Variants in FRAS1 observed in about 807,000 individuals in gnomAD.
The protein encoded by FRAS1 is Fraser extracellular matrix complex subunit 1.
Under a neutral mutation model 435.2 loss-of-function variants are expected in FRAS1, and 290 were observed. The observed-to-expected ratio is 0.67, with a 90% CI of 0.61 to 0.73. The LOEUF (loss-of-function observed/expected upper bound fraction) is 0.73. Ranked by LOEUF, FRAS1 falls within the 30% of genes least tolerant of loss-of-function variation. FRAS1 has a pLI of 0.00. For synonymous variants in FRAS1, 1,800 were observed against 1,851.0 expected (o/e 0.97, Z 0.71); for missense variants, 4,860 against 5,001.5 (o/e 0.97, Z 0.85).
chr4:78,299,838 G>C (rs1045363936), intron 14 of FRAS1, among the ~76,000 whole-genome samples: 11 of 152,220 alleles, frequency 7.2e-5, no homozygotes, highest in Non-Finnish European at 1.5e-4. Context: ...CCCCAGTGCA[G>C]TTTGCACAAT....
At position 78,266,864 on chromosome 4, in the gene FRAS1, A is replaced by G; in HGVS notation, c.718A>G (p.Thr240Ala). ...TGAGCAGTGGAGCGAAAATGCCTGC[A>G]CCACGTGTATATGTGACCGGGGTGA... ...HGEQWSENAC[T>A]TCICDRGEVR... Residue 240 changes from threonine (T) to alanine (A), a missense_variant, in exon 8 of 74, where the codon ACC (threonine) becomes GCC (alanine). Transcript: ENST00000512123. The G allele has an allele frequency of 1.2e-6, 2 of 1,606,938 alleles. No homozygotes were observed. The highest frequency in any genetic ancestry group is 1.7e-6 in the Non-Finnish European group (2 of 1,176,620).
At chr4:78,409,843 A>T (rs993556093) in intron 31 of FRAS1, among the ~76,000 whole-genome samples, 1 of 152,196 alleles carries the variant, frequency 6.6e-6, no homozygotes, top group African/African-American at 2.4e-5. Context: ...TCACCTTGTT[A>T]AAATGATCAT....
At chr4:78,132,075 G>A (rs572452748) in intron 2 of FRAS1, among the ~76,000 whole-genome samples, 1 of 152,262 alleles carries the variant, frequency 6.6e-6, no homozygotes, top group Admixed American at 6.5e-5. Context: ...TTCTCTTACT[G>A]TGTGTGGTTG....
chr4:78,086,654 A>G (rs1433047972), intron 2 of FRAS1, among the ~76,000 whole-genome samples: 4 of 152,120 alleles, frequency 2.6e-5, no homozygotes, highest in Admixed American at 1.3e-4. Flanking sequence ...ACACCTCTAC[A>G]CAAATAAACT....
At chr4:78,361,814 A>T (rs1193067825) in intron 20 of FRAS1, among the ~76,000 whole-genome samples, 3 of 152,198 alleles carry the variant, frequency 2.0e-5, no homozygotes, top group African/African-American at 7.2e-5. Context: ...AATGCTTTGA[A>T]TCCTACAGGG....
At chr4:78,245,857 G>A (rs1490041400) in intron 4 of FRAS1, among the ~76,000 whole-genome samples, 3 of 152,072 alleles carry the variant, frequency 2.0e-5, no homozygotes, top group African/African-American at 7.2e-5. Context: ...TGTTGTGGGA[G>A]CTGTGCTTTG....
intron 2 of FRAS1, among the ~76,000 whole-genome samples, chr4:78,075,905 A>G (rs972012229): frequency 2.0e-5 from 3 of 152,146 alleles, no homozygotes; most frequent in Admixed American, 6.6e-5. Flanking sequence ...GAGAGAAGTG[A>G]TGTAACACTG....
chr4:78,322,802 C>T (rs868844518), intron 18 of FRAS1, among the ~76,000 whole-genome samples: 126 of 152,286 alleles, frequency 8.3e-4, no homozygotes, highest in African/African-American at 2.7e-3. Flanking sequence ...TTCATTCCTC[C>T]GGCAAATGTT....
At chr4:78,192,802 T>C (rs1183104520) in intron 2 of FRAS1, among the ~76,000 whole-genome samples, 1 of 152,236 alleles carries the variant, frequency 6.6e-6, no homozygotes, top group Non-Finnish European at 1.5e-5. Flanking sequence ...AGTTACTTCT[T>C]GCCTTCTAAT....
At chr4:78,430,261 C>T (rs2110386745) in intron 36 of FRAS1, 31 bp from the exon 37 acceptor site, 1 of 1,613,464 alleles carries the variant, frequency 6.2e-7, no homozygotes, top group Non-Finnish European at 8.5e-7. Flanking sequence ...TACGCTTTCT[C>T]TCTCACCACG....
chr4:78,479,745 T>A (rs1190561521), intron 56 of FRAS1, 27 bp downstream of exon 56: 1 of 1,493,792 alleles, frequency 6.7e-7, no homozygotes, highest in African/African-American at 1.4e-5. Flanking sequence ...CTGAGTTTCC[T>A]TCACCTGTCT....
intron 2 of FRAS1, among the ~76,000 whole-genome samples, chr4:78,192,320 C>G (rs1038481196): frequency 3.9e-5 from 6 of 152,154 alleles, no homozygotes; most frequent in Non-Finnish European, 8.8e-5. Context: ...AGGATTCCCC[C>G]TTTTTCTATT....
Position 78,543,060 on chromosome 4 carries a change from T to A in FRAS1, c.*1936T>A, listed in dbSNP as rs1722104540. ...ATCTAATTTAGCATTCTGAGATGAG[T>A]GTCAGGTTTTCAGGAGAGAATGAGT... On this transcript the variant is annotated 3_prime_UTR_variant, in exon 74 of 74. Transcript: ENST00000512123. 1 of 152,132 alleles carries A rather than the reference T, an allele frequency of 6.6e-6. No individual in the cohort carries two copies. The highest frequency in any genetic ancestry group is 2.1e-4 in the South Asian group (1 of 4,820). The allele number at this position is 152,132 out of a possible 1,614,324, so 9.4% of individuals were successfully genotyped here.
Position 78,430,281 on chromosome 4 carries a change from C to T in FRAS1, c.4844-11C>T. 1 of 1,613,826 alleles carries T rather than the reference C, an allele frequency of 6.2e-7. No homozygotes were observed. The highest frequency in any genetic ancestry group is 8.5e-7 in the Non-Finnish European group (1 of 1,179,852). On this transcript the variant is annotated splice_polypyrimidine_tract_variant and intron_variant, in intron 36 of 73. Transcript: ENST00000512123. ...TTTCTCTCTCACCACGCTTCCTTCT[C>T]CTTGCTGCAGGACTTCAGGTGGTAG... is the stretch of plus-strand genomic sequence containing the variant.
chr4:78,522,530 A>T (rs1468235054), intron 68 of FRAS1, 119 bp from the exon 69 acceptor site: 2 of 871,502 alleles, frequency 2.3e-6, no homozygotes, highest in African/African-American at 1.7e-5. Context: ...GGCTAAGCTT[A>T]GTTGTTTGAG....
At chr4:78,443,902 G>A (rs1718678753) in intron 41 of FRAS1, among the ~76,000 whole-genome samples, 1 of 152,052 alleles carries the variant, frequency 6.6e-6, no homozygotes, top group Admixed American at 6.5e-5. Context: ...AGGTCAGAGT[G>A]CAATGGCATA....
chr4:78,374,720 C>G (rs1731687248), intron 25 of FRAS1, among the ~76,000 whole-genome samples: 1 of 152,202 alleles, frequency 6.6e-6, no homozygotes, highest in African/African-American at 2.4e-5. Context: ...AAGTCTTAAT[C>G]TCCTTGTCCA....
At chr4:78,320,539 T>C (rs1729461930) in intron 18 of FRAS1, among the ~76,000 whole-genome samples, 1 of 152,174 alleles carries the variant, frequency 6.6e-6, no homozygotes, top group African/African-American at 2.4e-5. Context: ...CACTTCCGCT[T>C]TCTGGCAAAA....
intron 20 of FRAS1, among the ~76,000 whole-genome samples, chr4:78,346,657 A>T (rs1043117672): frequency 6.6e-6 from 1 of 152,068 alleles, no homozygotes; most frequent in Non-Finnish European, 1.5e-5. Flanking sequence ...TCAGTCTACA[A>T]CTCTGCTTTC....
Sources: allele counts gnomAD v4.1 joint callset (sites outside exome capture counted in the v4.1 genomes callset), GRCh38; gene constraint gnomAD v4.1.1; transcripts MANE v1.5; gene names NCBI Gene and HGNC (gene_info 2026-07-23, HGNC 2026-07-21).